Variants in NGF observed in about 807,000 individuals in gnomAD.
The protein encoded by NGF is beta-nerve growth factor.
NGF carries 4 observed loss-of-function variants against 12.8 expected under a neutral mutation model. The ratio of observed to expected loss-of-function variants is 0.31; its 90% CI spans 0.15 to 0.72. The LOEUF (loss-of-function observed/expected upper bound fraction) is 0.72. Among genes scored for constraint, NGF ranks in the 30% least tolerant of loss-of-function variants. The probability of loss-of-function intolerance (pLI) is 0.69; values close to 1 mark genes in which losing one functional copy is unlikely to be tolerated. For missense variants in NGF, 283 were observed against 330.8 expected, an observed-to-expected ratio of 0.86 and a Z score of 1.12; for synonymous variants, 140 against 130.0, an observed-to-expected ratio of 1.08 and a Z score of -0.52.
chr1:115,325,048 C>T (rs1654735999), intron 1 of NGF, among the ~76,000 whole-genome samples: 2 of 152,048 alleles, frequency 1.3e-5, no homozygotes, highest in South Asian at 4.2e-4. Context: ...AATAGAGTGG[C>T]AGGACTTGGT....
At chr1:115,326,470 G>A (rs559362169) in intron 1 of NGF, among the ~76,000 whole-genome samples, 2 of 152,254 alleles carry the variant, frequency 1.3e-5, no homozygotes, top group South Asian at 2.1e-4. Flanking sequence ...CTGAAAATGA[G>A]GGCACTATAG....
intron 1 of NGF, among the ~76,000 whole-genome samples, chr1:115,328,146 A>C (rs1415360870): frequency 3.0e-5 from 4 of 133,554 alleles, no homozygotes; most frequent in Non-Finnish European, 6.1e-5. Context: ...AATGGGGCCC[A>C]GTGGGAGGGC....
chr1:115,326,296 GGA>G (rs1275726718), intron 1 of NGF, among the ~76,000 whole-genome samples: 1 of 152,130 alleles, frequency 6.6e-6, no homozygotes, highest in East Asian at 1.9e-4. Flanking sequence ...GAGTAGTTGG[GGA>G]GCTCCTCAGG....
At chr1:115,311,434 C>T (rs1654333064) in intron 1 of NGF, among the ~76,000 whole-genome samples, 1 of 152,020 alleles carries the variant, frequency 6.6e-6, no homozygotes, top group African/African-American at 2.4e-5. Context: ...TTCCTCAGAG[C>T]CACAGAAATT....
chr1:115,313,361 C>A (rs544064841), intron 1 of NGF, among the ~76,000 whole-genome samples: 81 of 152,284 alleles, frequency 5.3e-4, no homozygotes, highest in African/African-American at 1.9e-3. Flanking sequence ...CCTTGAACTG[C>A]TCAATTGGGC....
chr1:115,295,631 T>C, intron 1 of NGF, among the ~76,000 whole-genome samples: 1 of 152,214 alleles, frequency 6.6e-6, no homozygotes, highest in East Asian at 1.9e-4. Context: ...CAGTTCACTC[T>C]GAGCTTTCTC....
chr1:115,299,805 CA>C (rs1557938431), intron 1 of NGF, among the ~76,000 whole-genome samples: 2 of 152,298 alleles, frequency 1.3e-5, no homozygotes, highest in African/African-American at 4.8e-5. Context: ...ACCACACACA[CA>C]AAAATCTATT....
At chr1:115,315,524 C>T (rs1654452463) in intron 1 of NGF, among the ~76,000 whole-genome samples, 1 of 152,008 alleles carries the variant, frequency 6.6e-6, no homozygotes, top group Non-Finnish European at 1.5e-5. Flanking sequence ...GTGAGATTTA[C>T]TGAGATGGAG....
intron 1 of NGF, among the ~76,000 whole-genome samples, chr1:115,323,774 G>A (rs1654693208): frequency 1.3e-5 from 2 of 152,202 alleles, no homozygotes; most frequent in South Asian, 4.1e-4. Flanking sequence ...GTGTTGGCCA[G>A]CTAATCACAT....
At chr1:115,333,739 T>C (rs1655019031) in intron 1 of NGF, among the ~76,000 whole-genome samples, 1 of 118,942 alleles carries the variant, frequency 8.4e-6, no homozygotes, top group Non-Finnish European at 1.6e-5. Flanking sequence ...TCTTTCTTTC[T>C]TTCTTCCTTC....
At chr1:115,321,635 C>G (rs907750674) in intron 1 of NGF, among the ~76,000 whole-genome samples, 2 of 140,498 alleles carry the variant, frequency 1.4e-5, no homozygotes, top group Admixed American at 1.5e-4. Context: ...TGTGTCATAG[C>G]CAAGGGCAGA....
chr1:115,304,811 A>C (rs1654151492), intron 1 of NGF, among the ~76,000 whole-genome samples: 1 of 152,168 alleles, frequency 6.6e-6, no homozygotes, highest in African/African-American at 2.4e-5. Flanking sequence ...CTTCCACCCC[A>C]GCGGGAGAAG....
chr1:115,300,040 G>A (rs1382018427), intron 1 of NGF, among the ~76,000 whole-genome samples: 1 of 152,208 alleles, frequency 6.6e-6, no homozygotes, highest in African/African-American at 2.4e-5. Context: ...ACAAAACGGT[G>A]CCAGTGAATG....
At chr1:115,329,907 T>C (rs11102926) in intron 1 of NGF, among the ~76,000 whole-genome samples, 58,117 of 151,764 alleles carry the variant, frequency 0.38, 13,292 homozygotes, top group African/African-American at 0.61. Flanking sequence ...TATGTCACCA[T>C]GCCTGGCTAA....
At chr1:115,302,886 G>A (rs1571081042) in intron 1 of NGF, among the ~76,000 whole-genome samples, 1 of 152,280 alleles carries the variant, frequency 6.6e-6, no homozygotes, top group African/African-American at 2.4e-5. Flanking sequence ...TTGGTCTCGT[G>A]TGTGTGAGGA....
rs67307707 is a variant in NGF, at chr1:115,337,267, GTT to G, written c.-137+935_-137+936del. On this transcript the variant is annotated intron_variant, in intron 1 of 2. Coordinates refer to ENST00000369512, the MANE Select transcript of NGF (RefSeq NM_002506.3). The stretch of plus-strand genomic sequence containing the variant: ...TCGAAATTTTTTTTGTTTTGTTTTT[GTT>G]TTTTTTTTTTTTTTTTTTTTTTTTT... Among the ~76,000 whole-genome samples the G allele has an allele frequency of 4.6e-3, 371 of 81,020 alleles. 36 individuals carry two copies. Among genetic ancestry groups the G allele is most frequent in the Middle Eastern group, 8.2e-3 (1 of 122 alleles). 53.2% of individuals were successfully genotyped at this position (81,020 alleles called of 152,430 possible).
chr1:115,291,480 A>T (rs1571073469), intron 2 of NGF, among the ~76,000 whole-genome samples: 1 of 152,340 alleles, frequency 6.6e-6, no homozygotes, highest in East Asian at 1.9e-4. Context: ...TCAGCTGAGG[A>T]GGATGCAGTT....
chr1:115,303,738 A>C (rs1267960763), intron 1 of NGF, among the ~76,000 whole-genome samples: 2 of 152,144 alleles, frequency 1.3e-5, no homozygotes, highest in East Asian at 3.9e-4. Flanking sequence ...TCACTTCCAA[A>C]GGGTTAAAGA....
At chr1:115,308,556 T>C (rs535041911) in intron 1 of NGF, among the ~76,000 whole-genome samples, 1 of 152,018 alleles carries the variant, frequency 6.6e-6, no homozygotes, top group East Asian at 1.9e-4. Flanking sequence ...GATATTCAAC[T>C]AAAAAAAATG....
Sources: gnomAD v4.1 joint callset for allele counts (sites outside exome capture counted in the v4.1 genomes callset) on GRCh38, gnomAD v4.1.1 for gene constraint, MANE v1.5 for transcripts, NCBI Gene and HGNC (gene_info 2026-07-23, HGNC 2026-07-21) for gene names.